CEBPE: variants seen among roughly 807,000 people sequenced by gnomAD.
CEBPE encodes CCAAT/enhancer-binding protein epsilon.
CEBPE carries 10 observed loss-of-function variants against 20.4 expected under a neutral mutation model. The observed-to-expected ratio is 0.49, with a 90% confidence interval of 0.30 to 0.83. CEBPE has a LOEUF of 0.83. Among genes scored for constraint, CEBPE ranks in the 40% least tolerant of loss-of-function variants. The pLI, the probability that CEBPE is intolerant of heterozygous loss-of-function variation, is 0.06. For synonymous variants in CEBPE, 179 were observed against 162.6 expected (o/e 1.10, Z -0.77); for missense variants, 389 against 383.3 (o/e 1.01, Z -0.12).
At position 23,118,893 on chromosome 14, in the gene CEBPE, T is replaced by C. The variant is rs750228203; in HGVS notation, c.199A>G (p.Arg67Gly). 4.3e-6 allele frequency: 7 copies of C among 1,614,052 alleles called. No individual in the cohort carries two copies. Among genetic ancestry groups the C allele is most frequent in the Non-Finnish European group, 5.9e-6 (7 of 1,179,950 alleles). Residue 67 changes from arginine to glycine, a missense_variant, in exon 1 of 2, where the codon AGA becomes GGA. By Grantham distance (125) the Arg-to-Gly change is moderately radical (BLOSUM62 -2). This residue lies in a region of CEBPE where 294 missense variants were observed against 279.7 expected (regional missense o/e 1.05). Transcript: ENST00000206513. This position sits in a 1 kb window ranked among gnomAD's most constrained non-coding sequence, Gnocchi z 5.5. ...GGGGTTCCGGGGCCCTTGAGGCCTC[T>C]GGCCTCAGGCGCTGGCTTCACGGCA... ...LFAVKPAPEARGLKGPGTPAF... is the reference protein window; with the variant it reads ...LFAVKPAPEAGGLKGPGTPAF...
Position 23,117,391 on chromosome 14 carries a change from G to A in CEBPE, c.*96C>T. On this transcript the variant is annotated 3_prime_UTR_variant, in exon 2 of 2. Transcript: ENST00000206513. ...GCCACCCCGGTTGCCATTTATCCAT[G>A]GTCTATGTCTCAGGGTTCTAGGCCC... The A allele has an allele frequency of 1.5e-6, 2 of 1,316,784 alleles. No individual in the cohort carries two copies. The highest frequency in any genetic ancestry group is 2.0e-5 in the Admixed American group (1 of 50,418). The allele number at this position is 1,316,784 out of a possible 1,614,324, so 81.6% of individuals were successfully genotyped here.
At position 23,119,164 on chromosome 14, in the gene CEBPE, C is replaced by T. The variant is rs886151079; in HGVS notation, c.-73G>A. 9.7e-7 allele frequency: 1 copy of T among 1,028,618 alleles called. No homozygotes were observed. The highest frequency in any genetic ancestry group is 1.4e-6 in the Non-Finnish European group (1 of 690,858). 63.7% of individuals were successfully genotyped at this position (1,028,618 alleles called of 1,614,324 possible). On this transcript the variant is annotated 5_prime_UTR_variant, in exon 1 of 2. Transcript: ENST00000206513. ...CCCCTTGGGGTGCTCCGGCTGCCCT[C>T]TCTCTACCTCCTCCTGACCTGGGCC...
In CEBPE at chr14:23,117,696, G is replaced by T; in HGVS notation, c.637C>A (p.Arg213Ser). 1 of 1,614,080 alleles carries T rather than the reference G, an allele frequency of 6.2e-7. No individual in the cohort carries two copies. The highest frequency in any genetic ancestry group is 1.1e-5 in the South Asian group (1 of 91,080). ...DSLEYRLRRE[R>S]NNIAVRKSRD... ...CTCTTGCGCACGGCGATGTTGTTGCGCTCCCGCCTCAGCCGGTACTCAAGG... is the reference window on the plus strand; with the variant it reads ...CTCTTGCGCACGGCGATGTTGTTGCTCTCCCGCCTCAGCCGGTACTCAAGG... The change falls in exon 2 of 2, where the codon CGC (arginine) becomes AGC (serine). Residue 213 changes from arginine (R) to serine (S), a missense_variant. Arg to Ser is a moderately radical substitution (Grantham distance 110). Coordinates refer to ENST00000206513, the MANE Select transcript of CEBPE (RefSeq NM_001805.4).
chr14:23,118,582 C>G lies in CEBPE; in HGVS notation c.510G>C (p.Lys170Asn). 6.2e-7 allele frequency: 1 copy of G among 1,607,096 alleles called. No homozygotes were observed. Among genetic ancestry groups the G allele is most frequent in the Non-Finnish European group, 8.5e-7 (1 of 1,179,514 alleles). ...AAPGQPLRVLKAPLATAAPPC... is the reference protein window; with the variant it reads ...AAPGQPLRVLNAPLATAAPPC... The stretch of plus-strand genomic sequence containing the variant: ...GGGAGGAGGGCTGGCCTGCTCTTAC[C>G]TTGAGAACGCGCAGAGGCTGGCCGG... The change falls in exon 1 of 2, where the codon AAG (lysine) becomes AAC (asparagine). Residue 170 changes from lysine to asparagine, a missense_variant and splice_region_variant. By Grantham distance (94) the Lys-to-Asn change is moderately conservative. Around this residue, in one of 3 missense-constraint regions of CEBPE, gnomAD observed 294 missense variants for 279.7 expected, o/e 1.05. Transcript: ENST00000206513. This position sits in a 1 kb window ranked among gnomAD's most constrained non-coding sequence, Gnocchi z 5.5.
rs531938450 is a variant in CEBPE at position 23,118,620 on chromosome 14, T to C, written c.472A>G (p.Thr158Ala). 3 of 1,610,860 alleles carry C rather than the reference T, an allele frequency of 1.9e-6. No homozygotes were observed. The highest frequency in any genetic ancestry group is 1.3e-5 in the African/African-American group (1 of 75,014). ...CGQTAMHLPP[T>A]LAAPGQPLRV... ...AGAGGCTGGCCGGGTGCTGCCAGAG[T>C]TGGGGGCAGGTGCATGGCTGTCTGC... Residue 158 changes from threonine to alanine, a missense_variant, in exon 1 of 2, where the codon ACT (threonine) becomes GCT (alanine). Transcript: ENST00000206513. This position sits in a 1 kb window ranked among gnomAD's most constrained non-coding sequence, Gnocchi z 5.5.
rs1363549860 is a variant in CEBPE, at chr14:23,117,434, C to T, written c.*53G>A. 7.7e-6 allele frequency: 12 copies of T among 1,553,938 alleles called. No homozygotes were observed. Among genetic ancestry groups the T allele is most frequent in the Middle Eastern group, 2.2e-4 (1 of 4,644 alleles). On this transcript the variant is annotated 3_prime_UTR_variant, in exon 2 of 2. Transcript: ENST00000206513. ...CTAGGCCCCCAGCAGGATGGGGGTC[C>T]GCAGAGTTAGGCCGTGCCAGGGAGC...
chr14:23,118,551 G>A lies in CEBPE; in HGVS notation c.510+31C>T, dbSNP rs1459917148. 1 of 1,591,830 alleles carries A rather than the reference G, an allele frequency of 6.3e-7. No individual in the cohort carries two copies. The highest frequency in any genetic ancestry group is 1.7e-5 in the Admixed American group (1 of 57,980). On this transcript the variant is annotated intron_variant, in intron 1 of 1. Transcript: ENST00000206513. The surrounding 1 kb of genome is among the most constrained non-coding windows in gnomAD (Gnocchi z 5.5). ...TCCACACCAGCCTCTCCAGCCCCGG[G>A]CAGGAGGGAGGAGGGCTGGCCTGCT...
Position 23,117,779 on chromosome 14 carries a change from T to C in CEBPE, c.554A>G (p.Lys185Arg). 1 of 1,611,998 alleles carries C rather than the reference T, an allele frequency of 6.2e-7. No homozygotes were observed. The highest frequency in any genetic ancestry group is 8.5e-7 in the Non-Finnish European group (1 of 1,179,450). Residue 185 changes from lysine (K) to arginine (R), a missense_variant, in exon 2 of 2, where the codon AAG becomes AGG. Around this residue, in one of 3 missense-constraint regions of CEBPE, gnomAD observed 294 missense variants for 279.7 expected, o/e 1.05. Coordinates refer to ENST00000206513, the MANE Select transcript of CEBPE (RefSeq NM_001805.4). ...TAAPPCSPLLKAPSPAGPLHK... is the reference protein window; with the variant it reads ...TAAPPCSPLLRAPSPAGPLHK... ...TAAGGGGCCAGCCGGGGAGGGCGCC[T>C]TCAGGAGGGGACTGCAGGGGGGTGC...
chr14:23,118,856 T>TG lies in CEBPE; in HGVS notation c.235dup (p.His79ProfsTer6). On this transcript the variant is annotated frameshift_variant, in exon 1 of 2. Transcript: ENST00000206513. LOFTEE classifies it high-confidence loss of function. The surrounding 1 kb of genome is among the most constrained non-coding windows in gnomAD (Gnocchi z 5.5). ...GGGCCGAGGGTCAGGCGGCAAGTAGTGGGGGAAGGCAGGGGTTCCGGGGCC... is the reference window on the plus strand; with the variant it reads ...GGGCCGAGGGTCAGGCGGCAAGTAGTGGGGGGAAGGCAGGGGTTCCGGGGCC... The TG allele has an allele frequency of 6.2e-7, 1 of 1,613,848 alleles. No homozygotes were observed. Among genetic ancestry groups the TG allele is most frequent in the Non-Finnish European group, 8.5e-7 (1 of 1,179,922 alleles).
rs201609537 is a variant in CEBPE at position 23,117,621 on chromosome 14, C to T, written c.712G>A (p.Glu238Lys). The T allele has an allele frequency of 1.1e-5, 18 of 1,614,212 alleles. No homozygotes were observed. The highest frequency in any genetic ancestry group is 3.3e-5 in the Admixed American group (2 of 60,024). Residue 238 changes from glutamate to lysine, a missense_variant, in exon 2 of 2, where the codon GAG (glutamate) becomes AAG (lysine). By Grantham distance (56) the Glu-to-Lys change is moderately conservative. Transcript: ENST00000206513. Reference protein sequence around the residue: ...RILETQQKVLEYMAENERLRS... With the variant: ...RILETQQKVLKYMAENERLRS... ...AGGCGCTCGTTCTCTGCCATGTACT[C>T]CAGCACCTTCTGCTGCGTCTCCAGA...
Position 23,117,842 on chromosome 14 carries a change from G to A in CEBPE, c.511-20C>T. The A allele has an allele frequency of 2.5e-6, 4 of 1,577,886 alleles. No homozygotes were observed. The highest frequency in any genetic ancestry group is 3.4e-6 in the Non-Finnish European group (4 of 1,160,760). On this transcript the variant is annotated intron_variant, in intron 1 of 1. Transcript: ENST00000206513. Reference sequence around the variant, plus strand: ...AGGGGCCTGGAGGGGAAGGCACGGAGAGACGGAGAGGTGAGGGCTGGCCAG... The same window carrying A: ...AGGGGCCTGGAGGGGAAGGCACGGAAAGACGGAGAGGTGAGGGCTGGCCAG...
Position 23,118,590 on chromosome 14 carries a change from C to A in CEBPE, c.502G>T (p.Val168Phe). 6.2e-7 allele frequency: 1 copy of A among 1,608,206 alleles called. No individual in the cohort carries two copies. The highest frequency in any genetic ancestry group is 8.5e-7 in the Non-Finnish European group (1 of 1,179,650). The change falls in exon 1 of 2, where the codon GTT (valine) becomes TTT (phenylalanine). Residue 168 changes from valine to phenylalanine, a missense_variant. Transcript: ENST00000206513. The surrounding 1 kb of genome is among the most constrained non-coding windows in gnomAD (Gnocchi z 5.5). ...GGCTGGCCTGCTCTTACCTTGAGAA[C>A]GCGCAGAGGCTGGCCGGGTGCTGCC... The part of the protein sequence containing the change: ...TLAAPGQPLR[V>F]LKAPLATAAP...
At chr14:23,117,981 C>T (rs1031340948) in intron 1 of CEBPE, among the ~76,000 whole-genome samples, 159 bp from the exon 2 acceptor site, 1 of 152,174 alleles carries the variant, frequency 6.6e-6, no homozygotes, top group Middle Eastern at 3.2e-3. Flanking sequence ...TATCATCGCT[C>T]TGCTTCTGGG....
chr14:23,118,726 C>A lies in CEBPE; in HGVS notation c.366G>T (p.Glu122Asp), dbSNP rs2048522473. 5 of 1,612,944 alleles carry A rather than the reference C, an allele frequency of 3.1e-6. No individual in the cohort carries two copies. The highest frequency in any genetic ancestry group is 4.2e-6 in the Non-Finnish European group (5 of 1,179,678). The change falls in exon 1 of 2, where the codon GAG (glutamate) becomes GAT (aspartate). Residue 122 changes from glutamate to aspartate, a missense_variant. Around this residue, in one of 3 missense-constraint regions of CEBPE, gnomAD observed 294 missense variants for 279.7 expected, o/e 1.05. Transcript: ENST00000206513. The surrounding 1 kb of genome is among the most constrained non-coding windows in gnomAD (Gnocchi z 5.5). ...GGCTGCCCTCTGGCCCCCGGGGCTC[C>A]TCCTTCACCGCCACAGCCCTGGGGT... ...SYDPRAVAVK[E>D]EPRGPEGSRA...
rs1318393723 is a variant in CEBPE, at chr14:23,118,708, C to G, written c.384G>C (p.Glu128Asp). 1.9e-6 allele frequency: 3 copies of G among 1,613,432 alleles called. No homozygotes were observed. Among genetic ancestry groups the G allele is most frequent in the Non-Finnish European group, 2.5e-6 (3 of 1,179,898 alleles). ...TGCCTCGGCTGGCAGCTCGGCTGCC[C>G]TCTGGCCCCCGGGGCTCCTCCTTCA... ...VAVKEEPRGP[E>D]GSRAASRGSY... The change falls in exon 1 of 2, where the codon GAG becomes GAC. Residue 128 changes from glutamate to aspartate, a missense_variant. By Grantham distance (45) the Glu-to-Asp change is conservative. Around this residue, in one of 3 missense-constraint regions of CEBPE, gnomAD observed 294 missense variants for 279.7 expected, o/e 1.05. Transcript: ENST00000206513. This position sits in a 1 kb window ranked among gnomAD's most constrained non-coding sequence, Gnocchi z 5.5.
chr14:23,118,699 T>A lies in CEBPE; in HGVS notation c.393A>T (p.Arg131=). 6.2e-7 allele frequency: 1 copy of A among 1,613,286 alleles called. No homozygotes were observed. Among genetic ancestry groups the A allele is most frequent in the Non-Finnish European group, 8.5e-7 (1 of 1,179,896 alleles). Residue 131 remains arginine, a synonymous_variant, in exon 1 of 2, where the codon CGA becomes CGT. Transcript: ENST00000206513. This position sits in a 1 kb window ranked among gnomAD's most constrained non-coding sequence, Gnocchi z 5.5. The stretch of plus-strand genomic sequence containing the variant: ...GATTGTAGCTGCCTCGGCTGGCAGC[T>A]CGGCTGCCCTCTGGCCCCCGGGGCT... ...KEEPRGPEGS[R]AASRGSYNPL...
chr14:23,117,978 G>A (rs1175248419), intron 1 of CEBPE, among the ~76,000 whole-genome samples, 156 bp from the exon 2 acceptor site: 1 of 152,114 alleles, frequency 6.6e-6, no homozygotes, highest in Non-Finnish European at 1.5e-5. Flanking sequence ...AACTATCATC[G>A]CTCTGCTTCT....
intron 1 of CEBPE, 112 bp from the exon 2 acceptor site, chr14:23,117,934 A>G (rs1011104096): frequency 1.3e-6 from 1 of 752,376 alleles, no homozygotes. Flanking sequence ...AAAGGAATAC[A>G]GGACTCAGAG....
chr14:23,117,441 T>C lies in CEBPE; in HGVS notation c.*46A>G. The C allele has an allele frequency of 1.9e-6, 3 of 1,568,732 alleles. No individual in the cohort carries two copies. The highest frequency in any genetic ancestry group is 2.6e-6 in the Non-Finnish European group (3 of 1,157,684). Reference sequence around the variant, plus strand: ...CCCAGCAGGATGGGGGTCCGCAGAGTTAGGCCGTGCCAGGGAGCCTGGTGC... The same window carrying C: ...CCCAGCAGGATGGGGGTCCGCAGAGCTAGGCCGTGCCAGGGAGCCTGGTGC... On this transcript the variant is annotated 3_prime_UTR_variant, in exon 2 of 2. Coordinates refer to ENST00000206513, the MANE Select transcript of CEBPE (RefSeq NM_001805.4).
Sources: allele counts gnomAD v4.1 joint callset (sites outside exome capture counted in the v4.1 genomes callset), GRCh38; gene constraint gnomAD v4.1.1; regional missense constraint gnomAD v4.1.1; non-coding constraint Gnocchi (gnomAD v3.1); transcripts MANE v1.5; gene names NCBI Gene and HGNC (gene_info 2026-07-23, HGNC 2026-07-21).